HEXA: variants seen among roughly 807,000 people sequenced by gnomAD.
HEXA encodes hexosaminidase subunit alpha, also known as beta-hexosaminidase subunit alpha.
In HEXA, 54 loss-of-function variants were observed where a neutral mutation model predicts 73.3. The ratio of observed to expected loss-of-function variants is 0.74; its 90% CI spans 0.59 to 0.92. HEXA has a LOEUF of 0.92. Among genes scored for constraint, HEXA ranks in the 40% least tolerant of loss-of-function variants. The probability of loss-of-function intolerance (pLI) is 0.00; values close to 1 mark genes in which losing one functional copy is unlikely to be tolerated. For synonymous variants in HEXA, 230 were observed against 246.9 expected (o/e 0.93, Z 0.64); for missense variants, 649 against 653.0 (o/e 0.99, Z 0.07).
At chr15:72,375,576 C>T (rs2089052128) in intron 1 of HEXA, 144 bp downstream of exon 1, 2 of 845,578 alleles carry the variant, frequency 2.4e-6, no homozygotes, top group African/African-American at 1.7e-5. Flanking sequence ...GGATGAAAAC[C>T]TAATGCAGCT....
At chr15:72,365,778 T>C (rs1037296080) in intron 1 of HEXA, among the ~76,000 whole-genome samples, 2 of 152,240 alleles carry the variant, frequency 1.3e-5, no homozygotes, top group Non-Finnish European at 2.9e-5. Context: ...AATACTTCTT[T>C]GATCATATAT....
intron 1 of HEXA, among the ~76,000 whole-genome samples, chr15:72,368,362 A>T (rs1472863204): frequency 6.6e-6 from 1 of 152,244 alleles, no homozygotes; most frequent in Non-Finnish European, 1.5e-5. Context: ...AGCAAAATTT[A>T]TGCATGACTG....
chr15:72,348,536 C>A (rs1567297111), intron 8 of HEXA, among the ~76,000 whole-genome samples: 1 of 152,310 alleles, frequency 6.6e-6, no homozygotes, highest in East Asian at 1.9e-4. Flanking sequence ...GTTATGACGT[C>A]CACATTTTGC....
intron 1 of HEXA, 107 bp from the exon 2 acceptor site, chr15:72,356,724 A>G: frequency 6.6e-7 from 1 of 1,524,518 alleles, no homozygotes; most frequent in South Asian, 1.2e-5. Flanking sequence ...TGGTAAAGGA[A>G]AGGGAGGACA....
In HEXA at chr15:72,356,546, T is replaced by A. The variant is rs1269110075; in HGVS notation, c.325A>T (p.Thr109Ser). ...TTACAATTCTCCACTGACTCCAAAG[T>A]AGGAAGCTGGTTACATCCAGGTGTG... ...VVTPGCNQLP[T>S]LESVENYTLT... Residue 109 changes from threonine to serine, a missense_variant, in exon 2 of 14, where the codon ACT (threonine) becomes TCT (serine). Transcript: ENST00000268097. 3 of 1,613,944 alleles carry A rather than the reference T, an allele frequency of 1.9e-6. No individual in the cohort carries two copies. The African/African-American group carries it at 4.0e-5, about 22-fold the overall frequency.
intron 1 of HEXA, among the ~76,000 whole-genome samples, chr15:72,373,355 G>T (rs1184974993): frequency 6.6e-6 from 1 of 152,164 alleles, no homozygotes; most frequent in Non-Finnish European, 1.5e-5. Context: ...TGTTTCTGCA[G>T]AACTAGGATT....
At position 72,346,512 on chromosome 15, in the gene HEXA, G is replaced by A. The variant is rs1384520777; in HGVS notation, c.1330+15C>T. 3 of 1,612,360 alleles carry A rather than the reference G, an allele frequency of 1.9e-6. No homozygotes were observed. Among genetic ancestry groups the A allele is most frequent in the Middle Eastern group, 1.7e-4 (1 of 6,024 alleles). ...CAGCCTCCTTTGGTTAGCAAGGAGA[G>A]CTCTCTGCTTTCACCTTCAAATGCC... On this transcript the variant is annotated intron_variant, in intron 11 of 13. Transcript: ENST00000268097.
chr15:72,362,482 A>G (rs1180879266), intron 1 of HEXA: 3 of 455,752 alleles, frequency 6.6e-6, no homozygotes, highest in African/African-American at 2.0e-5. Flanking sequence ...AAAATGAATG[A>G]TGTTGGAATT....
At chr15:72,373,724 C>T (rs954451629) in intron 1 of HEXA, among the ~76,000 whole-genome samples, 7 of 152,100 alleles carry the variant, frequency 4.6e-5, no homozygotes, top group African/African-American at 9.7e-5. Context: ...TTAGGTATGG[C>T]GCGGTGGCTC....
chr15:72,344,119 G>A lies in HEXA; in HGVS notation c.1548C>T (p.Pro516=), dbSNP rs1322003883. 1.2e-6 allele frequency: 2 copies of A among 1,613,768 alleles called. No homozygotes were observed. The highest frequency in any genetic ancestry group is 4.5e-5 in the East Asian group (2 of 44,872). ...ELLRRGVQAQ[P]LNVGFCEQEF... ...CCTGCTCACAGAAGCCTACATTGAG[G>A]GGTTGGGCCTGGACACCTCGCCTGC... The change falls in exon 14 of 14, where the codon CCC becomes CCT. Residue 516 remains proline (P), a synonymous_variant. Coordinates refer to ENST00000268097, the MANE Select transcript of HEXA (RefSeq NM_000520.6).
chr15:72,371,294 G>T (rs914977554), intron 1 of HEXA, among the ~76,000 whole-genome samples: 1 of 152,284 alleles, frequency 6.6e-6, no homozygotes, highest in East Asian at 1.9e-4. Flanking sequence ...GAAAGGAAAG[G>T]TAATCCTCAA....
intron 1 of HEXA, chr15:72,370,609 A>G: frequency 2.5e-6 from 1 of 397,212 alleles, no homozygotes; most frequent in East Asian, 3.6e-5. Context: ...AGGCGGGAAG[A>G]CTGCTTGAGT....
intron 10 of HEXA, 163 bp from the exon 11 acceptor site, chr15:72,346,873 A>T (rs1277329027): frequency 1.4e-6 from 1 of 723,724 alleles, no homozygotes; most frequent in Non-Finnish European, 2.5e-6. Flanking sequence ...ACCTCAGGAC[A>T]GAGGCCAAGG....
rs2088636297 is a variant in HEXA, at chr15:72,347,735, TAAG to T, written c.1094_1096del (p.Ser365del). On this transcript the variant is annotated inframe_deletion, in exon 10 of 14. Coordinates refer to ENST00000268097, the MANE Select transcript of HEXA (RefSeq NM_000520.6). The stretch of plus-strand genomic sequence containing the variant: ...CTGCCACACCACATAGCCCTTGCCA[TAAG>T]AAGAGACGATGTCCAGCAGCCTGGA... 1.2e-6 allele frequency: 2 copies of T among 1,614,156 alleles called. No homozygotes were observed. Among genetic ancestry groups the T allele is most frequent in the Non-Finnish European group, 1.7e-6 (2 of 1,180,010 alleles).
At chr15:72,371,100 G>A (rs1246021551) in intron 1 of HEXA, among the ~76,000 whole-genome samples, 1 of 152,064 alleles carries the variant, frequency 6.6e-6, no homozygotes. Context: ...AGAACTAATC[G>A]GCCTTATTCT....
Position 72,342,078 on chromosome 15 carries a change from G to A in HEXA, c.*1999C>T, listed in dbSNP as rs1274165635. The A allele has an allele frequency of 6.6e-6, 1 of 152,190 alleles. No individual in the cohort carries two copies. Among genetic ancestry groups the A allele is most frequent in the Non-Finnish European group, 1.5e-5 (1 of 68,064 alleles). The allele number at this position is 152,190 out of a possible 1,614,324, so 9.4% of individuals were successfully genotyped here. On this transcript the variant is annotated 3_prime_UTR_variant, in exon 14 of 14. Transcript: ENST00000268097. The stretch of plus-strand genomic sequence containing the variant: ...CCAGGAGGGAAGCAGGGTCGCACCT[G>A]TGCAGGGTCCTTGTCTGCGGACCAC...
chr15:72,346,725 C>A lies in HEXA; in HGVS notation c.1147-15G>T. The A allele has an allele frequency of 6.2e-7, 1 of 1,613,310 alleles. No homozygotes were observed. The highest frequency in any genetic ancestry group is 1.1e-5 in the South Asian group (1 of 90,988). ...TCTGGCTGAATCTGTTATAAAAGGT[C>A]AAATGGCAGTAAGGACACAAAGCTG... On this transcript the variant is annotated splice_polypyrimidine_tract_variant and intron_variant, in intron 10 of 13. Transcript: ENST00000268097.
intron 12 of HEXA, 106 bp from the exon 13 acceptor site, chr15:72,345,656 G>A: frequency 6.5e-7 from 1 of 1,546,280 alleles, no homozygotes; most frequent in Non-Finnish European, 8.7e-7. Context: ...ACTCACTCAG[G>A]CCAAAGGAAG....
intron 3 of HEXA, 89 bp downstream of exon 3, chr15:72,355,470 G>T: frequency 1.1e-6 from 1 of 903,962 alleles, no homozygotes; most frequent in Non-Finnish European, 1.9e-6. Context: ...AGGTTGCAGT[G>T]AGCAGGGACT....
Sources: gnomAD v4.1 joint callset for allele counts (sites outside exome capture counted in the v4.1 genomes callset) on GRCh38, gnomAD v4.1.1 for gene constraint, MANE v1.5 for transcripts, NCBI Gene and HGNC (gene_info 2026-07-23, HGNC 2026-07-21) for gene names.